Variants in FNDC7 observed in about 807,000 individuals in gnomAD.
FNDC7 encodes the protein fibronectin type III domain-containing protein 7.
In FNDC7, 66 loss-of-function variants were observed where a neutral mutation model predicts 74.2. The observed-to-expected ratio is 0.89, with a 90% CI of 0.73 to 1.09. FNDC7 has a LOEUF of 1.09. Ranked by LOEUF, FNDC7 falls within the 50% of genes least tolerant of loss-of-function variation. The pLI, the probability that FNDC7 is intolerant of heterozygous loss-of-function variation, is 0.00. For missense variants in FNDC7, 829 were observed against 893.4 expected, an observed-to-expected ratio of 0.93 and a Z score of 0.92; for synonymous variants, 307 against 330.2, an observed-to-expected ratio of 0.93 and a Z score of 0.76.
chr1:108,727,954 G>A lies in FNDC7; in HGVS notation c.1258G>A (p.Ala420Thr). ...NMVECNDTTP[A>T]CTLSALECDT... ...GGTTGAGTGCAATGACACTACTCCT[G>A]CGTGCACCCTTTCGGCTCTAGAGTG... The change falls in exon 7 of 13, where the codon GCG becomes ACG. Residue 420 changes from alanine to threonine, a missense_variant. By Grantham distance (58) the Ala-to-Thr change is moderately conservative. Transcript: ENST00000370017. The A allele has an allele frequency of 6.2e-7, 1 of 1,614,162 alleles. No individual in the cohort carries two copies. The highest frequency in any genetic ancestry group is 8.5e-7 in the Non-Finnish European group (1 of 1,180,014).
intron 6 of FNDC7, among the ~76,000 whole-genome samples, chr1:108,726,754 A>G (rs1661227898): frequency 6.6e-6 from 1 of 152,228 alleles, no homozygotes; most frequent in African/African-American, 2.4e-5. Context: ...TTGAAATTAA[A>G]TAACTACATT....
In FNDC7 at chr1:108,733,255, T is replaced by C. The variant is rs369425890; in HGVS notation, c.1880-17T>C. The stretch of plus-strand genomic sequence containing the variant: ...AATAAAACAAGTGATTTTGTGTTTG[T>C]TATTTTTATTGCCTAGGTGCCTGCT... On this transcript the variant is annotated splice_polypyrimidine_tract_variant and intron_variant, in intron 9 of 12. Transcript: ENST00000370017. The C allele has an allele frequency of 1.0e-5, 16 of 1,596,226 alleles. No individual in the cohort carries two copies. The highest frequency in any genetic ancestry group is 1.3e-5 in the African/African-American group (1 of 74,398).
Position 108,727,871 on chromosome 1 carries a change from G to T in FNDC7, c.1175G>T (p.Trp392Leu), listed in dbSNP as rs747623181. The part of the protein sequence containing the change: ...LVSSDRVEIV[W>L]SPVRGAELYE... ...TCCAGTGACAGAGTTGAGATTGTCT[G>T]GTCTCCTGTCCGTGGTGCCGAACTG... The change falls in exon 7 of 13, where the codon TGG becomes TTG. Residue 392 changes from tryptophan (W) to leucine (L), a missense_variant. Physicochemically the swap from Trp to Leu is moderately conservative, Grantham distance 61 (BLOSUM62 -2). Coordinates refer to ENST00000370017, the MANE Select transcript of FNDC7 (RefSeq NM_001144937.3). 12 of 1,614,136 alleles carry T rather than the reference G, an allele frequency of 7.4e-6. No individual in the cohort carries two copies. In the East Asian group the frequency reaches 2.5e-4, roughly 33 times the overall value.
intron 5 of FNDC7, among the ~76,000 whole-genome samples, chr1:108,723,144 A>C (rs989710717): frequency 6.6e-6 from 1 of 152,234 alleles, no homozygotes; most frequent in African/African-American, 2.4e-5. Flanking sequence ...TAATGAAACT[A>C]ACACTTAATG....
At chr1:108,740,517 G>A (rs893907174) in intron 11 of FNDC7, among the ~76,000 whole-genome samples, 1 of 151,958 alleles carries the variant, frequency 6.6e-6, no homozygotes, top group Non-Finnish European at 1.5e-5. Flanking sequence ...TAGCAGAGAT[G>A]GGGTTTCACT....
In FNDC7 at chr1:108,728,627, C is replaced by G; in HGVS notation, c.1370-5C>G. On this transcript the variant is annotated splice_region_variant and splice_polypyrimidine_tract_variant and intron_variant, in intron 7 of 12. Transcript: ENST00000370017. ...TGGTTCAATTAATACTCTAAAATGT[C>G]TTAGCTCCTTGCAGTCCTGAAATAA... The G allele has an allele frequency of 6.2e-7, 1 of 1,614,112 alleles. No homozygotes were observed. Among genetic ancestry groups the G allele is most frequent in the Non-Finnish European group, 8.5e-7 (1 of 1,179,968 alleles).
At position 108,733,144 on chromosome 1, in the gene FNDC7, C is replaced by A. The variant is rs910397515; in HGVS notation, c.1880-128C>A. On this transcript the variant is annotated intron_variant, in intron 9 of 12. Transcript: ENST00000370017. ...GTACCCCTTCAAATCTTGCTCTGAT[C>A]TAACCAGTAATTAATCCTGTTACTT... 6.8e-6 allele frequency: 8 copies of A among 1,177,076 alleles called. No individual in the cohort carries two copies. The African/African-American group carries it at 1.2e-4, about 18-fold the overall frequency. The allele number at this position is 1,177,076 out of a possible 1,614,324, so 72.9% of individuals were successfully genotyped here.
chr1:108,723,835 A>G (rs1357756970), intron 5 of FNDC7, among the ~76,000 whole-genome samples: 1 of 152,182 alleles, frequency 6.6e-6, no homozygotes, highest in African/African-American at 2.4e-5. Context: ...AGTTGCTGGG[A>G]ATAGAATTTG....
chr1:108,719,047 CAAGT>C lies in FNDC7; in HGVS notation c.598+2_598+5del. 6.4e-7 allele frequency: 1 copy of C among 1,552,038 alleles called. No homozygotes were observed. The highest frequency in any genetic ancestry group is 1.2e-5 in the South Asian group (1 of 84,060). On this transcript the variant is annotated splice_donor_variant and coding_sequence_variant, in exon 4 of 13. Transcript: ENST00000370017. LOFTEE classifies it high-confidence loss of function. ...GATGACTCCACCTGCAATCAGAGAA[CAAGT>C]AAGAACTTCTCAGCTCAGCCTCGAA...
At chr1:108,732,837 A>G (rs1661422222) in intron 9 of FNDC7, among the ~76,000 whole-genome samples, 1 of 151,676 alleles carries the variant, frequency 6.6e-6, no homozygotes, top group Non-Finnish European at 1.5e-5. Flanking sequence ...GCTGTGGCAC[A>G]ATCATAGCTC....
Position 108,718,790 on chromosome 1 carries a change from G to A in FNDC7, c.339G>A (p.Val113=). ...QASPPKQAKT[V]LAAPILEVSS... is the part of the protein sequence containing the mutation. Reference sequence around the variant, plus strand: ...ATGCATGTGTTTTTATTTTTTTAGTGTTGGCTGCACCAATTCTAGAAGTAA... The same window carrying A: ...ATGCATGTGTTTTTATTTTTTTAGTATTGGCTGCACCAATTCTAGAAGTAA... Residue 113 remains valine (V), a splice_region_variant and synonymous_variant, in exon 4 of 13, where the codon GTG becomes GTA. Transcript: ENST00000370017. 6.5e-7 allele frequency: 1 copy of A among 1,550,260 alleles called. No individual in the cohort carries two copies. Among genetic ancestry groups the A allele is most frequent in the Non-Finnish European group, 8.7e-7 (1 of 1,145,878 alleles).
chr1:108,718,866 G>A lies in FNDC7; in HGVS notation c.415G>A (p.Ala139Thr), dbSNP rs1190929374. The change falls in exon 4 of 13, where the codon GCA becomes ACA. Residue 139 changes from alanine to threonine, a missense_variant. Transcript: ENST00000370017. ...TGTGCAGTGGGAAGCTGTATATATG[G>A]CAATTGCATTCTCCGTGTCCATTAT... ...ILVQWEAVYM[A>T]IAFSVSIMRA... is the part of the protein sequence containing the mutation. The A allele has an allele frequency of 4.5e-6, 7 of 1,551,694 alleles. No homozygotes were observed. The highest frequency in any genetic ancestry group is 6.1e-6 in the Non-Finnish European group (7 of 1,147,004).
rs550357727 is a variant in FNDC7 at position 108,728,880 on chromosome 1, G to C, written c.1618G>C (p.Glu540Gln). The change falls in exon 8 of 13, where the codon GAA becomes CAA. Residue 540 changes from glutamate to glutamine, a missense_variant. By Grantham distance (29) the Glu-to-Gln change is conservative. Coordinates refer to ENST00000370017, the MANE Select transcript of FNDC7 (RefSeq NM_001144937.3). ...CCTGCCCAGCTACAGTGTGCCCCTG[G>C]AAACAGGTATGTAGCAACCACCAGC... is the stretch of plus-strand genomic sequence containing the variant. ...RSLPSYSVPL[E>Q]TVPCCPTGLT... is the part of the protein sequence containing the mutation. 6.2e-6 allele frequency: 10 copies of C among 1,613,830 alleles called. No homozygotes were observed. The Admixed American group carries it at 1.7e-4, about 27-fold the overall frequency.
intron 11 of FNDC7, among the ~76,000 whole-genome samples, chr1:108,739,831 A>G (rs1297914067): frequency 6.6e-6 from 1 of 152,074 alleles, no homozygotes; most frequent in Non-Finnish European, 1.5e-5. Flanking sequence ...TTCCTTAGCC[A>G]GGGCTCAGTC....
intron 10 of FNDC7, among the ~76,000 whole-genome samples, chr1:108,737,023 A>G (rs1661532659): frequency 7.5e-6 from 1 of 133,248 alleles, no homozygotes; most frequent in Non-Finnish European, 1.5e-5. Context: ...GCTGGAGTGC[A>G]ATGGCGCAAT....
chr1:108,741,821 TAAAAAC>T lies in FNDC7; in HGVS notation c.*24_*29del. 1 of 1,613,304 alleles carries T rather than the reference TAAAAAC, an allele frequency of 6.2e-7. No homozygotes were observed. Among genetic ancestry groups the T allele is most frequent in the East Asian group, 2.2e-5 (1 of 44,866 alleles). On this transcript the variant is annotated 3_prime_UTR_variant, in exon 12 of 13. Coordinates refer to ENST00000370017, the MANE Select transcript of FNDC7 (RefSeq NM_001144937.3). ...GAAGAATGACAAAGTGAGCCCCAGA[TAAAAAC>T]AAAAACTTGACCAAGTGAGTAACGT...
intron 2 of FNDC7, among the ~76,000 whole-genome samples, chr1:108,715,322 A>G (rs1557785717): frequency 1.3e-5 from 2 of 152,198 alleles, no homozygotes; most frequent in Admixed American, 1.3e-4. Flanking sequence ...CATCTAGGGA[A>G]TAAAGTTTTC....
At position 108,733,254 on chromosome 1, in the gene FNDC7, G is replaced by T; in HGVS notation, c.1880-18G>T. On this transcript the variant is annotated intron_variant, in intron 9 of 12. Coordinates refer to ENST00000370017, the MANE Select transcript of FNDC7 (RefSeq NM_001144937.3). ...GAATAAAACAAGTGATTTTGTGTTT[G>T]TTATTTTTATTGCCTAGGTGCCTGC... 6.3e-7 allele frequency: 1 copy of T among 1,596,222 alleles called. No individual in the cohort carries two copies. The highest frequency in any genetic ancestry group is 8.6e-7 in the Non-Finnish European group (1 of 1,166,360).
chr1:108,719,566 G>T (rs1340312571), intron 4 of FNDC7, among the ~76,000 whole-genome samples: 1 of 152,148 alleles, frequency 6.6e-6, no homozygotes, highest in East Asian at 1.9e-4. Flanking sequence ...TTTCCCAAAG[G>T]CCTCAGCTTG....
Sources: gnomAD v4.1 joint callset for allele counts (sites outside exome capture counted in the v4.1 genomes callset) on GRCh38, gnomAD v4.1.1 for gene constraint, MANE v1.5 for transcripts, NCBI Gene and HGNC (gene_info 2026-07-23, HGNC 2026-07-21) for gene names.